Variants in SH3PXD2A observed in about 807,000 individuals in gnomAD.
SH3PXD2A encodes SH3 and PX domain-containing protein 2A.
Under a neutral mutation model 115.2 loss-of-function variants are expected in SH3PXD2A, and 32 were observed. That is an observed-to-expected ratio of 0.28 (90% CI 0.21 to 0.37). The LOEUF is 0.37. Ranked by LOEUF, SH3PXD2A falls within the 10% of genes least tolerant of loss-of-function variation. SH3PXD2A has a pLI of 1.00. For synonymous variants in SH3PXD2A, 610 were observed against 629.1 expected (o/e 0.97, Z 0.45); for missense variants, 1,328 against 1,498.7 (o/e 0.89, Z 1.88).
chr10:103,789,818 A>G (rs989453370), intron 2 of SH3PXD2A, among the ~76,000 whole-genome samples: 1 of 152,128 alleles, frequency 6.6e-6, no homozygotes. Context: ...CTGACATGAC[A>G]CTGCACACCA....
At chr10:103,649,712 G>A (rs1167605654) in intron 8 of SH3PXD2A, among the ~76,000 whole-genome samples, 2 of 152,240 alleles carry the variant, frequency 1.3e-5, no homozygotes, top group Non-Finnish European at 2.9e-5. Flanking sequence ...AAGATGGTGA[G>A]CACGCTGAGC....
At chr10:103,737,537 A>C (rs1589435519) in intron 3 of SH3PXD2A, among the ~76,000 whole-genome samples, 1 of 152,184 alleles carries the variant, frequency 6.6e-6, no homozygotes, top group East Asian at 1.9e-4. Flanking sequence ...AGGGGAAGGA[A>C]GTGTTATCAG....
At chr10:103,795,916 A>AAGGC (rs924894833) in intron 2 of SH3PXD2A, among the ~76,000 whole-genome samples, 4 of 109,342 alleles carry the variant, frequency 3.7e-5, no homozygotes, top group Non-Finnish European at 5.9e-5. Flanking sequence ...GGAAGGAAGG[A>AAGGC]AGGAAGGAAG....
At chr10:103,680,925 AT>A (rs140557835) in intron 6 of SH3PXD2A, among the ~76,000 whole-genome samples, 6,039 of 152,340 alleles carry the variant, frequency 0.04, 353 homozygotes, top group African/African-American at 0.13. Context: ...TGCTAAAACA[AT>A]AAGTAATGCA....
At chr10:103,657,633 G>A (rs2037230654) in intron 8 of SH3PXD2A, among the ~76,000 whole-genome samples, 1 of 152,206 alleles carries the variant, frequency 6.6e-6, no homozygotes, top group South Asian at 2.1e-4. Context: ...GATCACAAAT[G>A]CTTTCCTTAA....
chr10:103,612,552 G>A (rs990639476), intron 12 of SH3PXD2A, among the ~76,000 whole-genome samples: 32 of 152,204 alleles, frequency 2.1e-4, no homozygotes, highest in African/African-American at 7.7e-4. Context: ...CTTGGAACGC[G>A]TGTATCTGCA....
chr10:103,637,816 C>T (rs1437815547), intron 8 of SH3PXD2A, among the ~76,000 whole-genome samples: 1 of 152,178 alleles, frequency 6.6e-6, no homozygotes, highest in Non-Finnish European at 1.5e-5. Flanking sequence ...CTACCCATAC[C>T]ACACCCAGCA....
intron 3 of SH3PXD2A, chr10:103,754,475 T>G (rs2038616730): frequency 6.6e-6 from 1 of 152,200 alleles, no homozygotes; most frequent in Admixed American, 6.5e-5. Context: ...GACGTTCTCA[T>G]GCCACCCTAT....
intron 5 of SH3PXD2A, among the ~76,000 whole-genome samples, chr10:103,718,244 T>A (rs1311855911): frequency 1.3e-5 from 2 of 152,072 alleles, no homozygotes; most frequent in Admixed American, 6.5e-5. Flanking sequence ...CTCAAACTCC[T>A]GGGCTCAAGC....
chr10:103,825,844 A>G (rs2039425236), intron 1 of SH3PXD2A, among the ~76,000 whole-genome samples: 1 of 149,938 alleles, frequency 6.7e-6, no homozygotes, highest in South Asian at 2.1e-4. Flanking sequence ...GCTCACCGCA[A>G]GCTCCACCTC....
intron 1 of SH3PXD2A, among the ~76,000 whole-genome samples, chr10:103,820,614 C>T (rs1296282257): frequency 1.3e-5 from 2 of 152,066 alleles, no homozygotes; most frequent in Non-Finnish European, 2.9e-5. Flanking sequence ...CCAGAGCCCA[C>T]CCCCAGTGAG....
intron 2 of SH3PXD2A, among the ~76,000 whole-genome samples, chr10:103,776,668 T>C (rs1158842195): frequency 6.6e-6 from 1 of 152,118 alleles, no homozygotes; most frequent in Non-Finnish European, 1.5e-5. Context: ...AAGTCATCTA[T>C]GGCATTCCTT....
chr10:103,848,755 G>T (rs746376494), intron 1 of SH3PXD2A, among the ~76,000 whole-genome samples: 2 of 152,002 alleles, frequency 1.3e-5, no homozygotes, highest in Non-Finnish European at 1.5e-5. Context: ...TCTCCAGTCG[G>T]TCTTCCCTGG....
intron 11 of SH3PXD2A, 150 bp from the exon 12 acceptor site, chr10:103,613,340 G>A: frequency 1.7e-6 from 1 of 574,004 alleles, no homozygotes; most frequent in Non-Finnish European, 2.9e-6. Flanking sequence ...GAGAGAAATG[G>A]CACCGAGGGT....
At chr10:103,708,913 C>G (rs569245502) in intron 5 of SH3PXD2A, among the ~76,000 whole-genome samples, 17 of 152,006 alleles carry the variant, frequency 1.1e-4, no homozygotes, top group Non-Finnish European at 1.8e-4. Context: ...CTGCAGTTCT[C>G]CAGGGGTCTC....
chr10:103,806,182 C>A (rs971024101), intron 1 of SH3PXD2A, among the ~76,000 whole-genome samples: 2 of 152,120 alleles, frequency 1.3e-5, no homozygotes, highest in Non-Finnish European at 2.9e-5. Flanking sequence ...TCCCAAACTT[C>A]GGGGATTTGC....
chr10:103,687,835 A>G (rs900187785), intron 6 of SH3PXD2A, among the ~76,000 whole-genome samples: 1 of 150,406 alleles, frequency 6.6e-6, no homozygotes, highest in Admixed American at 6.6e-5. Context: ...TTTCCACTTT[A>G]CCCTCCACTA....
intron 2 of SH3PXD2A, among the ~76,000 whole-genome samples, chr10:103,791,738 G>T (rs1051499930): frequency 1.3e-5 from 2 of 151,896 alleles, no homozygotes. Flanking sequence ...ACAAGCACAG[G>T]GGTCTTCCTA....
At chr10:103,721,803 G>A (rs1445272567) in intron 5 of SH3PXD2A, among the ~76,000 whole-genome samples, 1 of 152,160 alleles carries the variant, frequency 6.6e-6, no homozygotes, top group Non-Finnish European at 1.5e-5. Flanking sequence ...GCAAGGCAAG[G>A]ATGAAGAAGG....
Sources: allele counts gnomAD v4.1 joint callset (sites outside exome capture counted in the v4.1 genomes callset), GRCh38; gene constraint gnomAD v4.1.1; transcripts MANE v1.5; gene names NCBI Gene and HGNC (gene_info 2026-07-23, HGNC 2026-07-21).